Variants in POGZ observed in about 807,000 individuals in gnomAD.
POGZ encodes pogo transposable element derived with ZNF domain, also known as pogo transposable element with ZNF domain.
A neutral mutation model predicts 134.6 loss-of-function variants in POGZ; 17 were observed. That is an observed-to-expected ratio of 0.13 (90% CI 0.09 to 0.19). The LOEUF is 0.19. Ranked by LOEUF, POGZ falls within the 10% of genes least tolerant of loss-of-function variation. The probability of loss-of-function intolerance (pLI) is 1.00; values close to 1 mark genes in which losing one functional copy is unlikely to be tolerated. For missense variants in POGZ, 1,306 were observed against 1,769.7 expected, an observed-to-expected ratio of 0.74 and a Z score of 4.70; for synonymous variants, 693 against 657.1, an observed-to-expected ratio of 1.05 and a Z score of -0.84.
intron 1 of POGZ, among the ~76,000 whole-genome samples, chr1:151,452,807 T>G (rs1197568751): frequency 2.0e-5 from 3 of 151,116 alleles, no homozygotes; most frequent in Non-Finnish European, 4.4e-5. Flanking sequence ...GAGGTTGCAG[T>G]GAGCCAAGAT....
chr1:151,403,285 A>C lies in POGZ; in HGVS notation c.*1517T>G. ...TCACACCTGTACCACCAGGCCCATC[A>C]CATCTTGAGCATTCCCCAGTCTGTG... On this transcript the variant is annotated 3_prime_UTR_variant, in exon 19 of 19. Transcript: ENST00000271715. The C allele has an allele frequency of 4.1e-6, 4 of 985,712 alleles. No individual in the cohort carries two copies. Among genetic ancestry groups the C allele is most frequent in the Non-Finnish European group, 4.8e-6 (4 of 829,852 alleles). The allele number at this position is 985,712 out of a possible 1,614,324, so 61.1% of individuals were successfully genotyped here.
chr1:151,405,484 G>C lies in POGZ; in HGVS notation c.3551C>G (p.Ala1184Gly). 1 of 1,614,220 alleles carries C rather than the reference G, an allele frequency of 6.2e-7. No individual in the cohort carries two copies. Residue 1184 changes from alanine (A) to glycine (G), a missense_variant, in exon 19 of 19, where the codon GCT becomes GGT. This residue lies in a region of POGZ where 161 missense variants were observed against 185.4 expected (regional missense o/e 0.87). Coordinates refer to ENST00000271715, the MANE Select transcript of POGZ (RefSeq NM_015100.4). The surrounding 1 kb of genome is among the most constrained non-coding windows in gnomAD (Gnocchi z 4.9). ...TAGCAATATGGAGTCTGGCATGTTA[G>C]CAGGCTGATCCATCTGCCCTCTGTA... ...VFYRGQMDQP[A>G]NMPDSILLEA... is the part of the protein sequence containing the mutation.
chr1:151,443,164 G>T (rs1158464268), intron 1 of POGZ, among the ~76,000 whole-genome samples: 2 of 152,180 alleles, frequency 1.3e-5, no homozygotes, highest in Admixed American at 6.5e-5. Context: ...ATTATGGATT[G>T]TTCTGCATTA....
chr1:151,407,366 GCCC>G (rs1653826279), intron 15 of POGZ, 75 bp from the exon 16 acceptor site: 2 of 974,064 alleles, frequency 2.1e-6, no homozygotes, highest in Non-Finnish European at 3.2e-6. Context: ...CAGTGACAAT[GCCC>G]CCAACAAAAG....
chr1:151,419,024 C>CAAAAAA (rs71090164), intron 10 of POGZ, among the ~76,000 whole-genome samples: 1 of 52,142 alleles, frequency 1.9e-5, no homozygotes. Flanking sequence ...AGCTCTGTCT[C>CAAAAAA]AAAAAAAAAA....
intron 5 of POGZ, chr1:151,429,395 G>T: frequency 2.9e-6 from 1 of 342,756 alleles, no homozygotes; most frequent in Non-Finnish European, 5.3e-6. Flanking sequence ...GATGAAGGGT[G>T]GTGAAAAGCT....
At chr1:151,426,586 C>T (rs561632200) in intron 7 of POGZ, 16 of 152,278 alleles carry the variant, frequency 1.1e-4, no homozygotes, top group Admixed American at 7.8e-4. Flanking sequence ...TTATTAGATA[C>T]ATAATTTGCA....
intron 16 of POGZ, 103 bp from the exon 17 acceptor site, chr1:151,407,126 TC>T: frequency 8.2e-7 from 1 of 1,223,846 alleles, no homozygotes; most frequent in Non-Finnish European, 1.2e-6. Flanking sequence ...TCCCACTTTC[TC>T]CTTTTTCTGA....
chr1:151,427,968 G>C lies in POGZ; in HGVS notation c.933C>G (p.Gly311=), dbSNP rs778497791. The change falls in exon 7 of 19, where the codon GGC becomes GGG. Residue 311 remains glycine, a synonymous_variant. Transcript: ENST00000271715. ...ATTTGGCCACTTCATTGCTATTTTC[G>C]CCTGTAACACCAGGTCGCTTCACAG... ...FVTVKRPGVT[G]ENSNEVAKLV... is the part of the protein sequence containing the mutation. 3 of 1,614,038 alleles carry C rather than the reference G, an allele frequency of 1.9e-6. No individual in the cohort carries two copies. The highest frequency in any genetic ancestry group is 1.7e-5 in the Admixed American group (1 of 60,000).
In POGZ at chr1:151,423,953, T is replaced by C. The variant is rs1373621448; in HGVS notation, c.1519A>G (p.Ile507Val). The change falls in exon 9 of 19, where the codon ATT (isoleucine) becomes GTT (valine). Residue 507 changes from isoleucine (I) to valine (V), a missense_variant. By Grantham distance (29) the Ile-to-Val change is conservative. This residue lies in a region of POGZ where 541 missense variants were observed against 680.5 expected (regional missense o/e 0.80). Coordinates refer to ENST00000271715, the MANE Select transcript of POGZ (RefSeq NM_015100.4). ...PHCTKRLKNNIRFMNHMKHHV... is the reference protein window; with the variant it reads ...PHCTKRLKNNVRFMNHMKHHV... ...CCAAGGCTCTTAAACACTTACCGAA[T>C]ATTGTTTTTTAGCCTTTTGGTACAA... 6.2e-7 allele frequency: 1 copy of C among 1,611,662 alleles called. No individual in the cohort carries two copies.
rs760305255 is a variant in POGZ at position 151,405,629 on chromosome 1, C to T, written c.3406G>A (p.Val1136Met). 3 of 1,614,218 alleles carry T rather than the reference C, an allele frequency of 1.9e-6. No homozygotes were observed. Among genetic ancestry groups the T allele is most frequent in the East Asian group, 4.5e-5 (2 of 44,888 alleles). ...DEISLFLDTE[V>M]LSSDDRKENA... ...TCCTTTCGATCATCACTGCTCAGCA[C>T]CTCTGTATCCAGGAACAAAGAGATC... The change falls in exon 19 of 19, where the codon GTG becomes ATG. Residue 1136 changes from valine (V) to methionine (M), a missense_variant. By Grantham distance (21) the Val-to-Met change is conservative. Around this residue, in one of 10 missense-constraint regions of POGZ, gnomAD observed 161 missense variants for 185.4 expected, o/e 0.87. Transcript: ENST00000271715. This position sits in a 1 kb window ranked among gnomAD's most constrained non-coding sequence, Gnocchi z 4.9.
Position 151,403,188 on chromosome 1 carries a change from G to A in POGZ, c.*1614C>T. 2.0e-6 allele frequency: 2 copies of A among 983,974 alleles called. No homozygotes were observed. Among genetic ancestry groups the A allele is most frequent in the Non-Finnish European group, 2.4e-6 (2 of 828,288 alleles). 61.0% of individuals were successfully genotyped at this position (983,974 alleles called of 1,614,324 possible). A position where few individuals can be genotyped will look rare whatever the true frequency, so the allele number is the denominator to read the frequency against. On this transcript the variant is annotated 3_prime_UTR_variant, in exon 19 of 19. Transcript: ENST00000271715. ...GACTTTTCCAGTTCACTATATTATA[G>A]TGTGCTGGGGGATGAAAAAACAAAC...
At chr1:151,444,053 G>C (rs528186982) in intron 1 of POGZ, among the ~76,000 whole-genome samples, 1 of 152,322 alleles carries the variant, frequency 6.6e-6, no homozygotes, top group African/African-American at 2.4e-5. Flanking sequence ...TGTTTCGCTT[G>C]AAAATTGAAA....
chr1:151,454,348 T>C (rs991445628), intron 1 of POGZ, among the ~76,000 whole-genome samples: 5 of 152,226 alleles, frequency 3.3e-5, no homozygotes, highest in Admixed American at 2.6e-4. Flanking sequence ...AGAAAACCTA[T>C]AGGGCTGAAT....
chr1:151,434,888 CTT>C (rs1557924176), intron 3 of POGZ, among the ~76,000 whole-genome samples: 3 of 151,726 alleles, frequency 2.0e-5, no homozygotes, highest in Admixed American at 1.3e-4. Context: ...TTTGCTCTCT[CTT>C]GATTTTTTTC....
chr1:151,432,576 G>C (rs974175880), intron 3 of POGZ, among the ~76,000 whole-genome samples: 1 of 152,090 alleles, frequency 6.6e-6, no homozygotes. Flanking sequence ...TTATGGAGAA[G>C]TTAAAACATA....
chr1:151,410,845 C>T (rs2479385), intron 12 of POGZ, among the ~76,000 whole-genome samples: 23,717 of 152,194 alleles, frequency 0.16, 2,148 homozygotes, highest in East Asian at 0.34. Flanking sequence ...AAGACAGAAT[C>T]TTAGGCACTA....
chr1:151,456,753 G>C (rs904951366), intron 1 of POGZ, among the ~76,000 whole-genome samples: 4 of 152,168 alleles, frequency 2.6e-5, no homozygotes, highest in Non-Finnish European at 5.9e-5. Context: ...CGGAGTTCGA[G>C]ACCAGCCTGG....
chr1:151,409,581 C>T (rs1027770547), intron 12 of POGZ, among the ~76,000 whole-genome samples: 6 of 152,184 alleles, frequency 3.9e-5, no homozygotes, highest in Non-Finnish European at 8.8e-5. Context: ...AAGTGATCTA[C>T]CTGCCTTGGC....
Sources: gnomAD v4.1 joint callset for allele counts (sites outside exome capture counted in the v4.1 genomes callset) on GRCh38, gnomAD v4.1.1 for gene constraint, gnomAD v4.1.1 regional missense constraint, Gnocchi (gnomAD v3.1) non-coding constraint, MANE v1.5 for transcripts, NCBI Gene and HGNC (gene_info 2026-07-23, HGNC 2026-07-21) for gene names.